The following MGAT5 variants were observed in gnomAD, a reference collection of about 807,000 sequenced individuals.
The protein encoded by MGAT5 is alpha-1,6-mannosylglycoprotein 6-beta-N-acetylglucosaminyltransferase.
In MGAT5, 30 loss-of-function variants were observed where a neutral mutation model predicts 94.3. That is an observed-to-expected ratio of 0.32 (90% CI 0.24 to 0.43). MGAT5 has a LOEUF of 0.43. Ranked by LOEUF, MGAT5 falls within the 20% of genes least tolerant of loss-of-function variation. The pLI, the probability that MGAT5 is intolerant of heterozygous loss-of-function variation, is 1.00. For synonymous variants in MGAT5, 310 were observed against 322.9 expected (o/e 0.96, Z 0.43); for missense variants, 691 against 905.5 (o/e 0.76, Z 3.04).
At chr2:134,279,179 G>T (rs1029072337) in intron 2 of MGAT5, among the ~76,000 whole-genome samples, 1 of 152,102 alleles carries the variant, frequency 6.6e-6, no homozygotes, top group Non-Finnish European at 1.5e-5. Flanking sequence ...TTGCCATGAC[G>T]CTGATGGCCA....
intron 2 of MGAT5, among the ~76,000 whole-genome samples, chr2:134,306,829 C>T (rs7595980): frequency 0.03 from 4,508 of 152,224 alleles, 242 homozygotes; most frequent in African/African-American, 0.1. Flanking sequence ...TCTTACAAGA[C>T]AAAGCCCCTG....
At chr2:134,285,572 A>G (rs1684953523) in intron 2 of MGAT5, among the ~76,000 whole-genome samples, 1 of 152,194 alleles carries the variant, frequency 6.6e-6, no homozygotes, top group African/African-American at 2.4e-5. Flanking sequence ...AAAAGTATAA[A>G]TTTAAAGGTC....
Position 134,289,532 on chromosome 2 carries a change from G to A in MGAT5, c.406+18982G>A, listed in dbSNP as rs547340530. On this transcript the variant is annotated intron_variant, in intron 2 of 15. Coordinates refer to ENST00000281923, the MANE Select transcript of MGAT5 (RefSeq NM_002410.5). ...CTGCCGAAAGTTGTCAGCGTAGCAG[G>A]CCTGACATAGCTGTCTTTAGAAAGG... Among the ~76,000 whole-genome samples, 4 of 152,324 alleles carry A rather than the reference G, an allele frequency of 2.6e-5. No homozygotes were observed. The South Asian group carries it at 8.3e-4, about 32-fold the overall frequency.
chr2:134,127,386 A>G (rs933205211), intron 1 of MGAT5, among the ~76,000 whole-genome samples: 1 of 152,138 alleles, frequency 6.6e-6, no homozygotes, highest in Non-Finnish European at 1.5e-5. Context: ...TCTTCACTGT[A>G]CATTACACAC....
At chr2:134,189,592 G>GTTTTTTTTTGTTTTGTTTT (rs1689219833) in intron 1 of MGAT5, among the ~76,000 whole-genome samples, 1 of 56,316 alleles carries the variant, frequency 1.8e-5, no homozygotes, top group Admixed American at 2.0e-4. Flanking sequence ...CATGGCTCTA[G>GTTTTTTTTTGTTTTGTTTT]TTTTTTTTTG....
chr2:134,139,773 G>A (rs868470270), intron 1 of MGAT5, among the ~76,000 whole-genome samples: 2 of 152,294 alleles, frequency 1.3e-5, no homozygotes, highest in East Asian at 3.9e-4. Flanking sequence ...AGCCCTGCTA[G>A]ATTACCACTT....
At chr2:134,230,480 T>C (rs1316740011) in intron 1 of MGAT5, among the ~76,000 whole-genome samples, 1 of 152,226 alleles carries the variant, frequency 6.6e-6, no homozygotes, top group African/African-American at 2.4e-5. Flanking sequence ...AGCCATGATA[T>C]ATAGTTTCAA....
chr2:134,195,677 A>G (rs535962587), intron 1 of MGAT5, among the ~76,000 whole-genome samples: 2 of 152,268 alleles, frequency 1.3e-5, no homozygotes, highest in African/African-American at 4.8e-5. Context: ...AGTGAATCTC[A>G]TTGTAAAGTT....
intron 1 of MGAT5, among the ~76,000 whole-genome samples, chr2:134,133,981 G>A (rs1453775106): frequency 1.3e-5 from 2 of 152,122 alleles, no homozygotes; most frequent in Admixed American, 1.3e-4. Context: ...GAACAATGGG[G>A]ATGCAAATCA....
intron 1 of MGAT5, among the ~76,000 whole-genome samples, chr2:134,191,393 C>T (rs13004139): frequency 1.3e-3 from 193 of 152,226 alleles, no homozygotes; most frequent in Middle Eastern, 6.8e-3. Context: ...GAGGTTATCG[C>T]GGGAGCGCGT....
chr2:134,208,106 G>A (rs1208562302), intron 1 of MGAT5, among the ~76,000 whole-genome samples: 1 of 151,922 alleles, frequency 6.6e-6, no homozygotes, highest in East Asian at 1.9e-4. Context: ...CATTAAGACA[G>A]CACATAGAAT....
At chr2:134,172,371 G>A (rs1241813115) in intron 1 of MGAT5, among the ~76,000 whole-genome samples, 2 of 149,690 alleles carry the variant, frequency 1.3e-5, no homozygotes, top group Admixed American at 6.8e-5. Context: ...AATTTCCTAA[G>A]TACTCCCTTT....
intron 2 of MGAT5, among the ~76,000 whole-genome samples, chr2:134,299,803 T>A (rs892789706): frequency 6.6e-6 from 1 of 152,206 alleles, no homozygotes; most frequent in Non-Finnish European, 1.5e-5. Flanking sequence ...AGGCCTCTTG[T>A]TGCAGTTCTC....
At chr2:134,337,922 A>G (rs1482345510) in intron 5 of MGAT5, among the ~76,000 whole-genome samples, 2 of 152,212 alleles carry the variant, frequency 1.3e-5, no homozygotes, top group Non-Finnish European at 2.9e-5. Context: ...TCCAAGTGGA[A>G]CAGTAAATTT....
chr2:134,365,243 C>G (rs1467906617), intron 10 of MGAT5, among the ~76,000 whole-genome samples: 1 of 152,188 alleles, frequency 6.6e-6, no homozygotes, highest in Non-Finnish European at 1.5e-5. Flanking sequence ...TTCCCACCAC[C>G]CTCCTTCTTG....
At chr2:134,312,639 G>A (rs946141452) in intron 2 of MGAT5, among the ~76,000 whole-genome samples, 4 of 152,100 alleles carry the variant, frequency 2.6e-5, no homozygotes, top group Admixed American at 6.5e-5. Flanking sequence ...CTTCGTTGCC[G>A]GGTACTTCAT....
At chr2:134,364,797 T>C (rs1214288068) in intron 10 of MGAT5, among the ~76,000 whole-genome samples, 1 of 152,228 alleles carries the variant, frequency 6.6e-6, no homozygotes, top group African/African-American at 2.4e-5. Context: ...TTCACATGAA[T>C]TCAGGACATC....
In MGAT5 at chr2:134,330,410, G is replaced by A. The variant is rs1425326860; in HGVS notation, c.574-5807G>A. 4.6e-5 allele frequency among the ~76,000 whole-genome samples: 7 copies of A among 152,200 alleles called. No homozygotes were observed. The East Asian group carries it at 1.4e-3, about 29-fold the overall frequency. ...GTAACTCTAATGTATCCTGGTCAGA[G>A]AGGCAACAAATTTCAGTTGTCACTC... On this transcript the variant is annotated intron_variant, in intron 4 of 15. Coordinates refer to ENST00000281923, the MANE Select transcript of MGAT5 (RefSeq NM_002410.5).
At chr2:134,329,422 C>A (rs536951977) in intron 4 of MGAT5, among the ~76,000 whole-genome samples, 1 of 152,202 alleles carries the variant, frequency 6.6e-6, no homozygotes, top group South Asian at 2.1e-4. Flanking sequence ...TTGCTACATT[C>A]GTTAACCATA....
Sources: allele counts gnomAD v4.1 joint callset (sites outside exome capture counted in the v4.1 genomes callset), GRCh38; gene constraint gnomAD v4.1.1; transcripts MANE v1.5; gene names NCBI Gene and HGNC (gene_info 2026-07-23, HGNC 2026-07-21).